Variants in RSPH9 observed in about 807,000 individuals in gnomAD.
RSPH9 encodes the protein radial spoke head protein 9 homolog.
In RSPH9, 27 loss-of-function variants were observed where a neutral mutation model predicts 27.0. The ratio of observed to expected loss-of-function variants is 1.00; its 90% CI spans 0.74 to 1.38. RSPH9 has a LOEUF of 1.38. Among genes scored for constraint, RSPH9 ranks in the 40% most tolerant of loss-of-function variants. RSPH9 has a pLI of 0.00. For synonymous variants in RSPH9, 145 were observed against 147.7 expected, an observed-to-expected ratio of 0.98 and a Z score of 0.13; for missense variants, 347 against 357.4, an observed-to-expected ratio of 0.97 and a Z score of 0.24.
chr6:43,669,309 G>C (rs975119112), intron 4 of RSPH9, among the ~76,000 whole-genome samples: 1 of 152,224 alleles, frequency 6.6e-6, no homozygotes, highest in Non-Finnish European at 1.5e-5. Flanking sequence ...AGCAGGACCA[G>C]GGACAGCCAA....
Position 43,655,455 on chromosome 6 carries a change from T to C in RSPH9, c.394-107T>C, listed in dbSNP as rs547093381. On this transcript the variant is annotated intron_variant, in intron 2 of 4. Coordinates refer to ENST00000372163, the MANE Select transcript of RSPH9 (RefSeq NM_152732.5). ...CAGCGTGATCTGTGTGGCTCTGGGG[T>C]CCACTACACTGCAGTGGTGCGGGTG... The C allele has an allele frequency of 1.7e-5, 21 of 1,213,590 alleles. No homozygotes were observed. In the South Asian group the frequency reaches 2.4e-4, roughly 14 times the overall value. 75.2% of individuals were successfully genotyped at this position (1,213,590 alleles called of 1,614,324 possible).
Position 43,671,940 on chromosome 6 carries a change from G to A in RSPH9, c.*991G>A, listed in dbSNP as rs2127938322. On this transcript the variant is annotated 3_prime_UTR_variant, in exon 5 of 5. Transcript: ENST00000372163. ...GGAGAACAAAGAGGTGCCTGTGAGG[G>A]CTGGGGGCCCAAGCTGGACGTGGGA... The A allele has an allele frequency of 6.4e-7, 1 of 1,553,586 alleles. No homozygotes were observed. The highest frequency in any genetic ancestry group is 1.7e-4 in the Middle Eastern group (1 of 5,858).
rs536432383 is a variant in RSPH9, at chr6:43,650,610, G to A, written c.393+70G>A. The stretch of plus-strand genomic sequence containing the variant: ...GGCTCATCCAAAACCCAGCCTAATA[G>A]AAATTATGGCAACAGGCTGGGCACG... On this transcript the variant is annotated intron_variant, in intron 2 of 4. Transcript: ENST00000372163. 1.0e-4 allele frequency: 159 copies of A among 1,563,232 alleles called. No homozygotes were observed. In the South Asian group the frequency reaches 1.2e-3, roughly 12 times the overall value.
chr6:43,672,573 G>A lies in RSPH9; in HGVS notation c.*1624G>A, dbSNP rs575856083. On this transcript the variant is annotated 3_prime_UTR_variant, in exon 5 of 5. Coordinates refer to ENST00000372163, the MANE Select transcript of RSPH9 (RefSeq NM_152732.5). ...GCCGGCTAGGATTGGGTTTTACTCT[G>A]TCCAGAATAAAACTTGGATCCTGTC... 1 of 362,024 alleles carries A rather than the reference G, an allele frequency of 2.8e-6. No homozygotes were observed. The allele number at this position is 362,024 out of a possible 1,614,324, so 22.4% of individuals were successfully genotyped here. A position where few individuals can be genotyped will look rare whatever the true frequency, so the allele number is the denominator to read the frequency against.
chr6:43,656,515 C>A, intron 3 of RSPH9, 62 bp from the exon 4 acceptor site: 1 of 1,599,222 alleles, frequency 6.3e-7, no homozygotes, highest in Non-Finnish European at 8.6e-7. Flanking sequence ...CCAGTGCAGA[C>A]AGAAAGGGGG....
chr6:43,645,105 G>C lies in RSPH9; in HGVS notation c.7G>C (p.Ala3Pro). MD[A>P]DSLLLSLELA... Reference sequence around the variant, plus strand: ...GAGCGGAGCCGCTGACCTGATGGACGCCGACAGCCTCCTGCTGTCTCTGGA... The same window carrying C: ...GAGCGGAGCCGCTGACCTGATGGACCCCGACAGCCTCCTGCTGTCTCTGGA... Residue 3 changes from alanine (A) to proline (P), a missense_variant, in exon 1 of 5, where the codon GCC (alanine) becomes CCC (proline). Transcript: ENST00000372163. 6.2e-7 allele frequency: 1 copy of C among 1,611,216 alleles called. No individual in the cohort carries two copies. The highest frequency in any genetic ancestry group is 8.5e-7 in the Non-Finnish European group (1 of 1,179,770).
intron 4 of RSPH9, among the ~76,000 whole-genome samples, chr6:43,669,238 T>C (rs1347268593): frequency 6.6e-6 from 1 of 152,226 alleles, no homozygotes; most frequent in East Asian, 1.9e-4. Context: ...GCATGGGCGA[T>C]GGCACTTGGT....
rs762292335 is a variant in RSPH9, at chr6:43,655,692, G to C, written c.523+1G>C. Reference sequence around the variant, plus strand: ...ACCCATGTCAATCGGACCTTTGAAGGTGAGTTCTCTGGGGCCCCTCTCAAG... The same window carrying C: ...ACCCATGTCAATCGGACCTTTGAAGCTGAGTTCTCTGGGGCCCCTCTCAAG... On this transcript the variant is annotated splice_donor_variant, in intron 3 of 4. Transcript: ENST00000372163. LOFTEE classifies it high-confidence loss of function. The C allele has an allele frequency of 2.5e-6, 4 of 1,614,116 alleles. No individual in the cohort carries two copies. In the South Asian group the frequency reaches 4.4e-5, roughly 18 times the overall value.
At chr6:43,666,427 C>T in intron 4 of RSPH9, 1 of 1,550,092 alleles carries the variant, frequency 6.5e-7, no homozygotes, top group Non-Finnish European at 8.7e-7. Flanking sequence ...CTTTCAGGGT[C>T]TGAGGCAGTT....
intron 4 of RSPH9, among the ~76,000 whole-genome samples, chr6:43,659,674 G>A (rs924550135): frequency 3.3e-5 from 5 of 152,026 alleles, no homozygotes; most frequent in South Asian, 2.1e-4. Flanking sequence ...GAGCCACCCC[G>A]CCCGGCCCAT....
rs115206748 is a variant in RSPH9 at position 43,670,667 on chromosome 6, C to T, written c.671-122C>T. 10 of 743,460 alleles carry T rather than the reference C, an allele frequency of 1.3e-5. No homozygotes were observed. The East Asian group carries it at 2.3e-4, about 17-fold the overall frequency. 46.1% of individuals were successfully genotyped at this position (743,460 alleles called of 1,614,324 possible). ...TAAAGCATCTGGAGAATTAAATGGT[C>T]TCTCCCCAGTGGAACCATAGCACCT... On this transcript the variant is annotated intron_variant, in intron 4 of 4. Transcript: ENST00000372163.
chr6:43,659,674 G>T (rs924550135), intron 4 of RSPH9, among the ~76,000 whole-genome samples: 1 of 151,910 alleles, frequency 6.6e-6, no homozygotes, highest in African/African-American at 2.4e-5. Flanking sequence ...GAGCCACCCC[G>T]CCCGGCCCAT....
intron 2 of RSPH9, among the ~76,000 whole-genome samples, chr6:43,653,752 G>A (rs539436183): frequency 6.6e-6 from 1 of 152,142 alleles, no homozygotes; most frequent in Admixed American, 6.5e-5. Flanking sequence ...GAGTGCAATG[G>A]CGTGGTCTCG....
At chr6:43,648,198 G>A (rs1005131162) in intron 1 of RSPH9, among the ~76,000 whole-genome samples, 1 of 152,104 alleles carries the variant, frequency 6.6e-6, no homozygotes, top group Non-Finnish European at 1.5e-5. Flanking sequence ...GAACCCAGGA[G>A]GTGGAGTTTG....
rs1276140308 is a variant in RSPH9 at position 43,670,856 on chromosome 6, C to T, written c.738C>T (p.Gly246=). The T allele has an allele frequency of 6.2e-7, 1 of 1,614,228 alleles. No homozygotes were observed. Residue 246 remains glycine (G), a synonymous_variant, in exon 5 of 5, where the codon GGC becomes GGT. Transcript: ENST00000372163. ...LVVLRSLLWP[G]LTFYHAPRTK... is the part of the protein sequence containing the mutation. ...TGCTGCGCAGCCTGCTCTGGCCGGG[C>T]CTCACCTTCTACCATGCTCCCCGCA...
chr6:43,660,980 G>C (rs992809927), intron 4 of RSPH9, among the ~76,000 whole-genome samples: 1 of 152,150 alleles, frequency 6.6e-6, no homozygotes, highest in African/African-American at 2.4e-5. Flanking sequence ...CATTAATCTC[G>C]TTGTACATCT....
At chr6:43,663,293 A>T (rs906872175) in intron 4 of RSPH9, among the ~76,000 whole-genome samples, 6 of 152,074 alleles carry the variant, frequency 3.9e-5, no homozygotes, top group Admixed American at 3.9e-4. Context: ...ATCTCAGCTC[A>T]TTACAACCTC....
At chr6:43,669,047 A>C (rs575697956) in intron 4 of RSPH9, among the ~76,000 whole-genome samples, 114 of 152,318 alleles carry the variant, frequency 7.5e-4, no homozygotes, top group African/African-American at 2.6e-3. Context: ...TCAAACTCTG[A>C]GGGCAGGTCT....
chr6:43,656,991 G>C (rs571242248), intron 4 of RSPH9, among the ~76,000 whole-genome samples: 1 of 152,332 alleles, frequency 6.6e-6, no homozygotes, highest in South Asian at 2.1e-4. Flanking sequence ...TAGCAATCTT[G>C]AATGGGGGCA....
Sources: allele counts gnomAD v4.1 joint callset (sites outside exome capture counted in the v4.1 genomes callset), GRCh38; gene constraint gnomAD v4.1.1; transcripts MANE v1.5; gene names NCBI Gene and HGNC (gene_info 2026-07-23, HGNC 2026-07-21).